Variants in ADAMTSL1 observed in about 807,000 individuals in gnomAD.
The protein encoded by ADAMTSL1 is ADAMTS like 1.
ADAMTSL1 carries 126 observed loss-of-function variants against 201.8 expected under a neutral mutation model. The observed-to-expected ratio is 0.62, with a 90% CI of 0.54 to 0.72. ADAMTSL1 has a LOEUF of 0.72. Among genes scored for constraint, ADAMTSL1 ranks in the 30% least tolerant of loss-of-function variants. ADAMTSL1 has a pLI of 0.00. For missense variants in ADAMTSL1, 2,679 were observed against 2,277.8 expected, an observed-to-expected ratio of 1.18 and a Z score of -3.59; for synonymous variants, 1,121 against 903.4, an observed-to-expected ratio of 1.24 and a Z score of -4.32.
At position 17,929,240 on chromosome 9, in the gene ADAMTSL1, C is replaced by T. The variant is rs75140222; in HGVS notation, c.87+22318C>T. On this transcript the variant is annotated intron_variant, in intron 1 of 29. Transcript: ENST00000680146. Reference sequence around the variant, plus strand: ...CTTAAAGGCTTCAGTGATTTCCTGCCGCCTTTACATCAGTATTTCTCAGCC... The same window carrying T: ...CTTAAAGGCTTCAGTGATTTCCTGCTGCCTTTACATCAGTATTTCTCAGCC... Among the ~76,000 whole-genome samples the T allele has an allele frequency of 8.4e-4, 128 of 152,144 alleles. 1 individual carries two copies. The East Asian group carries it at 0.024, about 29-fold the overall frequency.
At chr9:18,464,351 C>G (rs1250326524) in intron 2 of ADAMTSL1, among the ~76,000 whole-genome samples, 2 of 152,146 alleles carry the variant, frequency 1.3e-5, no homozygotes, top group African/African-American at 2.4e-5. Flanking sequence ...ATTTGATTAA[C>G]AAAAACCTGT....
chr9:17,969,145 C>CACTA (rs1451158444), intron 1 of ADAMTSL1, among the ~76,000 whole-genome samples: 1 of 152,014 alleles, frequency 6.6e-6, no homozygotes, highest in Non-Finnish European at 1.5e-5. Flanking sequence ...TAAGCACAGA[C>CACTA]ACTAACTGCA....
chr9:18,702,950 CAG>C (rs1313774711), intron 13 of ADAMTSL1, among the ~76,000 whole-genome samples: 12 of 151,988 alleles, frequency 7.9e-5, no homozygotes, highest in Admixed American at 7.9e-4. Flanking sequence ...TTTATAGAGA[CAG>C]GGCTTCACCA....
In ADAMTSL1 at chr9:18,007,861, C is replaced by T. The variant is rs374586496; in HGVS notation, c.87+100939C>T. Reference sequence around the variant, plus strand: ...ACTTCTTTCATTAAATTCAGTGAAGCCTGCAAAACTTGCTAATGAAGGAAA... The same window carrying T: ...ACTTCTTTCATTAAATTCAGTGAAGTCTGCAAAACTTGCTAATGAAGGAAA... On this transcript the variant is annotated intron_variant, in intron 1 of 29. Transcript: ENST00000680146. 1.2e-4 allele frequency among the ~76,000 whole-genome samples: 19 copies of T among 152,058 alleles called. No homozygotes were observed. In the South Asian group the frequency reaches 3.1e-3, roughly 25 times the overall value.
intron 1 of ADAMTSL1, among the ~76,000 whole-genome samples, chr9:18,095,235 C>T (rs901983555): frequency 6.6e-6 from 1 of 151,968 alleles, no homozygotes; most frequent in African/African-American, 2.4e-5. Flanking sequence ...AGAAAGGGCT[C>T]ACAGCCAATA....
chr9:18,721,421 A>G (rs1833360882), intron 14 of ADAMTSL1, 115 bp from the exon 15 acceptor site: 2 of 1,417,484 alleles, frequency 1.4e-6, no homozygotes, highest in Non-Finnish European at 1.9e-6. Context: ...TCTGACATAC[A>G]GCGAGAGTCC....
At position 18,737,489 on chromosome 9, in the gene ADAMTSL1, A is replaced by G. The variant is rs868256970; in HGVS notation, c.2007-15809A>G. Among the ~76,000 whole-genome samples, 8 of 152,188 alleles carry G rather than the reference A, an allele frequency of 5.3e-5. No homozygotes were observed. In the South Asian group the frequency reaches 1.2e-3, roughly 24 times the overall value. ...CTAGTGATTGAGGGATGATTGTCAC[A>G]TGAAGAACTTGGTGCATGTCAAACT... On this transcript the variant is annotated intron_variant, in intron 15 of 28. Coordinates refer to ENST00000380548, the MANE Select transcript of ADAMTSL1 (RefSeq NM_001040272.6).
chr9:18,815,557 T>A lies in ADAMTSL1; in HGVS notation c.3806-1552T>A, dbSNP rs961059875. On this transcript the variant is annotated intron_variant, in intron 20 of 28. Coordinates refer to ENST00000380548, the MANE Select transcript of ADAMTSL1 (RefSeq NM_001040272.6). ...ATACAAAAAATACAAAAAAAAAAAA[T>A]TCTATCCAGGTGTGATGGTATACAC... Among the ~76,000 whole-genome samples, 3 of 148,650 alleles carry A rather than the reference T, an allele frequency of 2.0e-5. No homozygotes were observed. The South Asian group carries it at 6.5e-4, about 32-fold the overall frequency.
At chr9:18,081,944 T>C (rs1022864624) in intron 1 of ADAMTSL1, among the ~76,000 whole-genome samples, 14 of 152,196 alleles carry the variant, frequency 9.2e-5, no homozygotes, top group African/African-American at 2.9e-4. Flanking sequence ...AGGACAAGGT[T>C]AAGATTGATG....
At chr9:18,135,621 C>T (rs1826126239) in intron 1 of ADAMTSL1, among the ~76,000 whole-genome samples, 1 of 151,928 alleles carries the variant, frequency 6.6e-6, no homozygotes, top group Non-Finnish European at 1.5e-5. Context: ...GTAGCAAACC[C>T]TGCTTTAAAA....
chr9:18,854,610 A>T (rs908769047), intron 23 of ADAMTSL1, among the ~76,000 whole-genome samples: 1 of 152,156 alleles, frequency 6.6e-6, no homozygotes, highest in East Asian at 1.9e-4. Context: ...GATGCTAGAG[A>T]TGTCGGTAGC....
At position 18,888,002 on chromosome 9, in the gene ADAMTSL1, A is replaced by G; in HGVS notation, c.4421A>G (p.Glu1474Gly). ...GAATTCAGCTGCCTTGCTCAGAATG[A>G]GGCAGGGGTGCTCATGCAGAAGGCA... The part of the protein sequence containing the change: ...QGEFSCLAQN[E>G]AGVLMQKASL... Residue 1474 changes from glutamate to glycine, a missense_variant, in exon 24 of 29, where the codon GAG becomes GGG. Physicochemically the swap from Glu to Gly is moderately conservative, Grantham distance 98. Transcript: ENST00000380548. 6.2e-7 allele frequency: 1 copy of G among 1,613,898 alleles called. No individual in the cohort carries two copies. The highest frequency in any genetic ancestry group is 1.1e-5 in the South Asian group (1 of 91,076).
At chr9:18,047,422 G>C (rs1483063552) in intron 1 of ADAMTSL1, among the ~76,000 whole-genome samples, 2 of 152,150 alleles carry the variant, frequency 1.3e-5, no homozygotes, top group Non-Finnish European at 2.9e-5. Flanking sequence ...CACAGGACAA[G>C]CCTCTATAAC....
chr9:18,287,035 C>T (rs1468196740), intron 2 of ADAMTSL1, among the ~76,000 whole-genome samples: 3 of 152,130 alleles, frequency 2.0e-5, no homozygotes, highest in African/African-American at 7.2e-5. Flanking sequence ...CAGTGCCCTA[C>T]ACTAACAAAT....
chr9:18,489,369 A>G (rs1002109091), intron 1 of ADAMTSL1, among the ~76,000 whole-genome samples: 3 of 152,162 alleles, frequency 2.0e-5, no homozygotes, highest in African/African-American at 7.2e-5. Flanking sequence ...TGTTAAGTCT[A>G]TATGTGAGAG....
chr9:18,058,914 T>A (rs16936281), intron 1 of ADAMTSL1, among the ~76,000 whole-genome samples: 2 of 152,144 alleles, frequency 1.3e-5, no homozygotes, highest in African/African-American at 4.8e-5. Context: ...AGCTTCTACA[T>A]TGAAAGCCTG....
At chr9:18,424,812 T>C (rs1208357190) in intron 2 of ADAMTSL1, among the ~76,000 whole-genome samples, 1 of 152,200 alleles carries the variant, frequency 6.6e-6, no homozygotes, top group South Asian at 2.1e-4. Context: ...GGAAGTGTTC[T>C]ACAGCCAGCC....
At chr9:17,918,247 T>A (rs1372584796) in intron 1 of ADAMTSL1, among the ~76,000 whole-genome samples, 1 of 151,814 alleles carries the variant, frequency 6.6e-6, no homozygotes, top group Non-Finnish European at 1.5e-5. Context: ...GTCATTGATA[T>A]AAGGTATTTT....
intron 2 of ADAMTSL1, among the ~76,000 whole-genome samples, chr9:18,213,658 G>C (rs769936217): frequency 2.4e-4 from 36 of 152,074 alleles, no homozygotes; most frequent in African/African-American, 7.7e-4. Context: ...GGGAATTGAC[G>C]GTTTTCAAGA....
Sources: allele counts gnomAD v4.1 joint callset (sites outside exome capture counted in the v4.1 genomes callset), GRCh38; gene constraint gnomAD v4.1.1; transcripts MANE v1.5; gene names NCBI Gene and HGNC (gene_info 2026-07-23, HGNC 2026-07-21).